Variants in VTI1A observed in about 807,000 individuals in gnomAD.
VTI1A encodes the protein vesicle transport through interaction with t-SNAREs homolog 1A.
In VTI1A, 22 loss-of-function variants were observed where a neutral mutation model predicts 34.9. The ratio of observed to expected loss-of-function variants is 0.63; its 90% confidence interval spans 0.45 to 0.90. The LOEUF is 0.90. Among genes scored for constraint, VTI1A ranks in the 40% least tolerant of loss-of-function variants. The pLI is 0.00. For synonymous variants in VTI1A, 87 were observed against 97.3 expected, an observed-to-expected ratio of 0.89 and a Z score of 0.62; for missense variants, 268 against 275.6, an observed-to-expected ratio of 0.97 and a Z score of 0.20.
At chr10:112,780,463 C>T (rs1009698768) in intron 7 of VTI1A, among the ~76,000 whole-genome samples, 2 of 151,988 alleles carry the variant, frequency 1.3e-5, no homozygotes, top group Non-Finnish European at 1.5e-5. Flanking sequence ...AACTTTTAAG[C>T]CTTTGAAAAC....
At chr10:112,548,025 C>G (rs536411462) in intron 5 of VTI1A, among the ~76,000 whole-genome samples, 8 of 152,138 alleles carry the variant, frequency 5.3e-5, no homozygotes, top group African/African-American at 1.9e-4. Flanking sequence ...TTTAAAGAAG[C>G]TGAACAAATG....
intron 3 of VTI1A, among the ~76,000 whole-genome samples, chr10:112,506,435 G>A (rs1044385856): frequency 6.6e-6 from 1 of 152,114 alleles, no homozygotes; most frequent in Non-Finnish European, 1.5e-5. Context: ...CAGATGAGAC[G>A]GGCTACTATG....
chr10:112,784,205 G>A lies in VTI1A; in HGVS notation c.561-31085G>A, dbSNP rs80010080. On this transcript the variant is annotated intron_variant, in intron 7 of 7. Coordinates refer to ENST00000393077, the MANE Select transcript of VTI1A (RefSeq NM_145206.4). ...TAACGTGATTAATAGCAGATTCCCC[G>A]TGTGTACGTGTCAGAGACCACATCT... 2.8e-3 allele frequency among the ~76,000 whole-genome samples: 424 copies of A among 152,210 alleles called. 10 individuals are homozygous for A. The East Asian group carries it at 0.047, about 17-fold the overall frequency.
chr10:112,803,476 C>T (rs1402813291), intron 7 of VTI1A, among the ~76,000 whole-genome samples: 1 of 152,168 alleles, frequency 6.6e-6, no homozygotes, highest in African/African-American at 2.4e-5. Flanking sequence ...AGGCAGTGGC[C>T]GCTTGAATGA....
the VTI1A span, among the ~76,000 whole-genome samples, chr10:112,849,629 A>G: frequency 2.6e-5 from 4 of 152,336 alleles, no homozygotes; most frequent in Admixed American, 2.6e-4. Context: ...AGCTAATGTC[A>G]TTCTTGTCAC....
chr10:112,664,070 C>T (rs1003318577), intron 5 of VTI1A, among the ~76,000 whole-genome samples: 1 of 152,132 alleles, frequency 6.6e-6, no homozygotes, highest in African/African-American at 2.4e-5. Context: ...TCTCTTAGTT[C>T]TTTAAAGACC....
At chr10:112,556,787 A>G (rs1168140174) in intron 5 of VTI1A, among the ~76,000 whole-genome samples, 1 of 152,052 alleles carries the variant, frequency 6.6e-6, no homozygotes, top group Non-Finnish European at 1.5e-5. Flanking sequence ...TAAATGATAT[A>G]TAGAGACCAA....
At chr10:112,646,595 C>A (rs144762115) in intron 5 of VTI1A, among the ~76,000 whole-genome samples, 2 of 151,964 alleles carry the variant, frequency 1.3e-5, no homozygotes, top group East Asian at 3.9e-4. Flanking sequence ...ACTGCAACCT[C>A]TGCCTCCCAG....
chr10:112,549,936 T>C (rs192810503), intron 5 of VTI1A, among the ~76,000 whole-genome samples: 12 of 152,352 alleles, frequency 7.9e-5, no homozygotes, highest in African/African-American at 2.9e-4. Context: ...CAAGTTGTGC[T>C]TATATATACT....
At chr10:112,539,772 T>C (rs1850791939) in intron 5 of VTI1A, among the ~76,000 whole-genome samples, 1 of 152,170 alleles carries the variant, frequency 6.6e-6, no homozygotes, top group Non-Finnish European at 1.5e-5. Context: ...GAAAAAATGG[T>C]ACATGTAAAA....
intron 7 of VTI1A, among the ~76,000 whole-genome samples, chr10:112,707,089 G>A (rs1472717475): frequency 6.6e-6 from 1 of 152,140 alleles, no homozygotes; most frequent in Non-Finnish European, 1.5e-5. Flanking sequence ...AAGGGTTAAA[G>A]AACAAACTAA....
intron 7 of VTI1A, among the ~76,000 whole-genome samples, chr10:112,759,548 G>T (rs536079780): frequency 8.8e-4 from 134 of 152,266 alleles, no homozygotes; most frequent in Admixed American, 3.4e-3. Flanking sequence ...GAAACACAAC[G>T]GACACAGTTC....
At chr10:112,779,874 C>G (rs1160695601) in intron 7 of VTI1A, among the ~76,000 whole-genome samples, 1 of 152,152 alleles carries the variant, frequency 6.6e-6, no homozygotes, top group African/African-American at 2.4e-5. Flanking sequence ...CCACATTCCT[C>G]CATTTACAAT....
intron 7 of VTI1A, among the ~76,000 whole-genome samples, chr10:112,791,196 G>C (rs1366331436): frequency 6.6e-6 from 1 of 152,154 alleles, no homozygotes; most frequent in Admixed American, 6.5e-5. Flanking sequence ...CTAGTCATCA[G>C]GTTGTTTCAC....
At chr10:112,455,110 C>T (rs1420452359) in intron 1 of VTI1A, among the ~76,000 whole-genome samples, 3 of 149,554 alleles carry the variant, frequency 2.0e-5, no homozygotes, top group African/African-American at 2.5e-5. Context: ...ACCAAAACTT[C>T]GTGTTGGTAG....
intron 5 of VTI1A, among the ~76,000 whole-genome samples, chr10:112,635,395 A>G (rs900001368): frequency 1.6e-4 from 25 of 152,190 alleles, no homozygotes; most frequent in Non-Finnish European, 4.4e-5. Context: ...GGGAACCGCA[A>G]GGGTCAAAGC....
intron 7 of VTI1A, among the ~76,000 whole-genome samples, chr10:112,700,352 GCCCTTC>G (rs1848969258): frequency 6.6e-6 from 1 of 152,044 alleles, no homozygotes; most frequent in Non-Finnish European, 1.5e-5. Flanking sequence ...TCCAGAAATA[GCCCTTC>G]CCATCAAAGA....
rs111873615 is a variant in VTI1A, at chr10:112,811,813, G to A, written c.561-3477G>A. On this transcript the variant is annotated intron_variant, in intron 7 of 7. Transcript: ENST00000393077. ...CCTGGGCTCCTCGAGCAAGAGCAGA[G>A]AACTGTGCCAGGTGCAGTGCCGCGC... 2.9e-3 allele frequency among the ~76,000 whole-genome samples: 439 copies of A among 151,156 alleles called. 1 individual carries two copies. Among genetic ancestry groups the A allele is most frequent in the South Asian group, 0.011 (52 of 4,770 alleles).
intron 3 of VTI1A, among the ~76,000 whole-genome samples, chr10:112,498,532 T>G (rs770412729): frequency 2.0e-5 from 3 of 152,038 alleles, no homozygotes; most frequent in African/African-American, 7.2e-5. Context: ...AAAATCTTCT[T>G]TCTTAAAAAA....
Sources: gnomAD v4.1 joint callset for allele counts (sites outside exome capture counted in the v4.1 genomes callset) on GRCh38, gnomAD v4.1.1 for gene constraint, MANE v1.5 for transcripts, NCBI Gene and HGNC (gene_info 2026-07-23, HGNC 2026-07-21) for gene names.